ENO3: variants seen among roughly 807,000 people sequenced by gnomAD.
ENO3 encodes enolase 3.
ENO3 carries 46 observed loss-of-function variants against 47.7 expected under a neutral mutation model. The observed-to-expected ratio is 0.96, with a 90% CI of 0.76 to 1.23. The LOEUF is 1.23. Ranked by LOEUF, ENO3 falls within the 50% of genes most tolerant of loss-of-function variation. ENO3 has a pLI of 0.00. For synonymous variants in ENO3, 223 were observed against 225.9 expected, an observed-to-expected ratio of 0.99 and a Z score of 0.11; for missense variants, 575 against 566.2, an observed-to-expected ratio of 1.02 and a Z score of -0.16.
chr17:4,952,916 G>A (rs778031259), intron 3 of ENO3, 26 bp downstream of exon 3: 21 of 1,610,978 alleles, frequency 1.3e-5, no homozygotes, highest in Non-Finnish European at 1.8e-5. Context: ...CGCAGAAGGA[G>A]CCTGTGTGGG....
Position 4,951,128 on chromosome 17 carries a change from C to T in ENO3, c.-57C>T. The T allele has an allele frequency of 1.0e-6, 1 of 988,740 alleles. No homozygotes were observed. Among genetic ancestry groups the T allele is most frequent in the African/African-American group, 1.7e-5 (1 of 57,312 alleles). The allele number at this position is 988,740 out of a possible 1,614,324, so 61.2% of individuals were successfully genotyped here. A position where few individuals can be genotyped will look rare whatever the true frequency, so the allele number is the denominator to read the frequency against. ...TGAGAGGGGGTGAGCTGACACTGTC[C>T]CAGCTGCCACCTAGACTCGGAGCTC... On this transcript the variant is annotated 5_prime_UTR_variant, in exon 1 of 12. Transcript: ENST00000519602.
rs1226423486 is a variant in ENO3 at position 4,951,951 on chromosome 17, G to A, written c.85+37G>A. ...CCCATTGGATAGGCTCGCCTCCGAA[G>A]ACCCCAACCCTTTGGCCTTTGCCCC... On this transcript the variant is annotated intron_variant, in intron 2 of 11. Coordinates refer to ENST00000519602, the MANE Select transcript of ENO3 (RefSeq NM_053013.4). 10 of 1,610,464 alleles carry A rather than the reference G, an allele frequency of 6.2e-6. No homozygotes were observed. The South Asian group carries it at 1.1e-4, about 18-fold the overall frequency.
Position 4,957,073 on chromosome 17 carries a change from T to A in ENO3, c.*26T>A. On this transcript the variant is annotated 3_prime_UTR_variant, in exon 12 of 12. Coordinates refer to ENST00000519602, the MANE Select transcript of ENO3 (RefSeq NM_053013.4). ...GAAGCTGGAGGCTCCAGGACTCCACTGGACAGACCCAGGTCTTCCAGACCT... is the reference window on the plus strand; with the variant it reads ...GAAGCTGGAGGCTCCAGGACTCCACAGGACAGACCCAGGTCTTCCAGACCT... The A allele has an allele frequency of 6.2e-7, 1 of 1,613,524 alleles. No individual in the cohort carries two copies. The highest frequency in any genetic ancestry group is 8.5e-7 in the Non-Finnish European group (1 of 1,179,874).
chr17:4,950,390 C>T, upstream of ENO3: 2 of 183,256 alleles, frequency 1.1e-5, no homozygotes, highest in Non-Finnish European at 2.1e-5. Flanking sequence ...GATTCAGCCC[C>T]ATTCATTGAT....
chr17:4,950,458 A>G, upstream of ENO3: 3 of 654,982 alleles, frequency 4.6e-6, no homozygotes, highest in South Asian at 6.8e-5. Flanking sequence ...TCTGACCGAC[A>G]GTCCCCACGC....
At chr17:4,956,467 C>A in intron 9 of ENO3, 106 bp from the exon 10 acceptor site, 1 of 1,105,682 alleles carries the variant, frequency 9.0e-7, no homozygotes, top group Non-Finnish European at 1.4e-6. Context: ...ACTGCCCTCC[C>A]TGCAGAGTGC....
intron 2 of ENO3, 56 bp from the exon 3 acceptor site, chr17:4,952,739 G>T (rs1177477248): frequency 6.5e-7 from 1 of 1,542,334 alleles, no homozygotes; most frequent in Non-Finnish European, 8.8e-7. Flanking sequence ...TGGGATTACA[G>T]GCATGGGCCA....
At position 4,952,823 on chromosome 17, in the gene ENO3, G is replaced by A. The variant is rs1478803392; in HGVS notation, c.114G>A (p.Gly38=). The part of the protein sequence containing the change: ...KGRFRAAVPS[G]ASTGIYEALE... The stretch of plus-strand genomic sequence containing the variant: ...GATTCCGAGCAGCTGTGCCCAGTGG[G>A]GCTTCCACGGGTATCTATGAGGCTC... Residue 38 remains glycine (G), a synonymous_variant, in exon 3 of 12, where the codon GGG becomes GGA. Coordinates refer to ENST00000519602, the MANE Select transcript of ENO3 (RefSeq NM_053013.4). 1.9e-6 allele frequency: 3 copies of A among 1,611,586 alleles called. No homozygotes were observed. The highest frequency in any genetic ancestry group is 1.7e-5 in the Admixed American group (1 of 59,772).
At chr17:4,950,228 A>G (rs1015423938), upstream of ENO3, 1 of 152,182 alleles carries the variant, frequency 6.6e-6, no homozygotes, top group African/African-American at 2.4e-5. Context: ...CAGACCCCGC[A>G]CTGGCCCCAG....
chr17:4,956,769 G>C, intron 10 of ENO3, 62 bp from the exon 11 acceptor site: 1 of 1,614,094 alleles, frequency 6.2e-7, no homozygotes, highest in South Asian at 1.1e-5. Context: ...CTCCCTTGGG[G>C]CCAGGTCCAA....
rs1298530904 is a variant in ENO3 at position 4,956,111 on chromosome 17, C to CCAGAT, written c.1037_1041dup (p.Gly348ArgfsTer5). On this transcript the variant is annotated frameshift_variant, in exon 9 of 12. Coordinates refer to ENST00000519602, the MANE Select transcript of ENO3 (RefSeq NM_053013.4). LOFTEE classifies it high-confidence loss of function. ...GCAACTGTCTGCTGCTGAAGGTCAA[C>CCAGAT]CAGATCGGCTCGGTGACCGAATCGA... is the stretch of plus-strand genomic sequence containing the variant. 2.5e-6 allele frequency: 4 copies of CCAGAT among 1,613,976 alleles called. No individual in the cohort carries two copies. In the African/African-American group the frequency reaches 4.0e-5, roughly 16 times the overall value.
upstream of ENO3, chr17:4,949,013 A>C (rs1971468031): frequency 6.6e-6 from 1 of 151,528 alleles, no homozygotes; most frequent in African/African-American, 2.4e-5. Flanking sequence ...CGGGGCCGGG[A>C]GTGCATGGGG....
intron 2 of ENO3, chr17:4,952,272 G>T (rs1210436852): frequency 2.7e-6 from 1 of 368,650 alleles, no homozygotes; most frequent in Non-Finnish European, 5.3e-6. Context: ...TGCCTCCCGG[G>T]TTTAAGTGAT....
intron 6 of ENO3, among the ~76,000 whole-genome samples, chr17:4,954,446 G>A (rs1228163054): frequency 6.6e-6 from 1 of 152,204 alleles, no homozygotes; most frequent in Non-Finnish European, 1.5e-5. Flanking sequence ...GAGGTGTTTT[G>A]AGAATGAAAT....
rs1331737560 is a variant in ENO3, at chr17:4,956,890, G to A, written c.1235+1G>A. 18 of 1,614,222 alleles carry A rather than the reference G, an allele frequency of 1.1e-5. No homozygotes were observed. The highest frequency in any genetic ancestry group is 1.4e-5 in the Non-Finnish European group (17 of 1,180,036). On this transcript the variant is annotated splice_donor_variant, in intron 11 of 11. Coordinates refer to ENST00000519602, the MANE Select transcript of ENO3 (RefSeq NM_053013.4). LOFTEE classifies it high-confidence loss of function. The stretch of plus-strand genomic sequence containing the variant: ...TGGCCAAATACAACCAACTCATGAG[G>A]TACAGCGGGAACAGTGGGCCTGGGC...
In ENO3 at chr17:4,955,042, G is replaced by C. The variant is rs140347039; in HGVS notation, c.445-33G>C. 4.7e-6 allele frequency: 7 copies of C among 1,483,402 alleles called. No homozygotes were observed. In the African/African-American group the frequency reaches 8.3e-5, roughly 18 times the overall value. 91.9% of individuals were successfully genotyped at this position (1,483,402 alleles called of 1,614,324 possible). A position where few individuals can be genotyped will look rare whatever the true frequency, so the allele number is the denominator to read the frequency against. ...GTCCCTTCTTGAGCTCTCATGCCCC[G>C]GCCCAGGTCCAGACACCCTCTCCCC... On this transcript the variant is annotated intron_variant, in intron 6 of 11. Coordinates refer to ENST00000519602, the MANE Select transcript of ENO3 (RefSeq NM_053013.4).
chr17:4,953,051 G>A lies in ENO3; in HGVS notation c.182G>A (p.Gly61Glu), dbSNP rs1971599259. 3 of 1,614,102 alleles carry A rather than the reference G, an allele frequency of 1.9e-6. No individual in the cohort carries two copies. The highest frequency in any genetic ancestry group is 2.7e-5 in the African/African-American group (2 of 74,936). ...DGDKGRYLGK[G>E]VLKAVENINN... ...AAAACTCATCCTCTGGCCTGTCTAG[G>A]AGTCCTGAAGGCTGTGGAGAACATC... Residue 61 changes from glycine to glutamate, a missense_variant and splice_region_variant, in exon 4 of 12, where the codon GGA becomes GAA. Gly to Glu is a moderately conservative substitution (Grantham distance 98). Transcript: ENST00000519602.
chr17:4,955,540 C>T lies in ENO3; in HGVS notation c.801C>T (p.Pro267=), dbSNP rs753975550. The change falls in exon 8 of 12, where the codon CCC becomes CCT. Residue 267 remains proline, a synonymous_variant. Coordinates refer to ENST00000519602, the MANE Select transcript of ENO3 (RefSeq NM_053013.4). ...TTGACTTCAAGTCGCCTGATGATCC[C>T]GCACGGCACATCACTGGGGAGAAGC... ...YDLDFKSPDD[P]ARHITGEKLG... 2.3e-5 allele frequency: 37 copies of T among 1,614,098 alleles called. No individual in the cohort carries two copies. Among genetic ancestry groups the T allele is most frequent in the Admixed American group, 5.0e-5 (3 of 60,002 alleles).
At chr17:4,952,918 C>T in intron 3 of ENO3, 28 bp downstream of exon 3, 1 of 1,611,032 alleles carries the variant, frequency 6.2e-7, no homozygotes, top group Non-Finnish European at 8.5e-7. Flanking sequence ...CAGAAGGAGC[C>T]TGTGTGGGCG....
Sources: gnomAD v4.1 joint callset for allele counts (sites outside exome capture counted in the v4.1 genomes callset) on GRCh38, gnomAD v4.1.1 for gene constraint, MANE v1.5 for transcripts, NCBI Gene and HGNC (gene_info 2026-07-23, HGNC 2026-07-21) for gene names.